Variants in RELN observed in about 807,000 individuals in gnomAD.
The protein encoded by RELN is reelin.
A neutral mutation model predicts 427.6 loss-of-function variants in RELN; 108 were observed. That is an observed-to-expected ratio of 0.25 (90% CI 0.22 to 0.30). The LOEUF (loss-of-function observed/expected upper bound fraction) is 0.30, where lower values mean the gene tolerates loss of function less well. RELN is among the 10% of genes least tolerant of loss of function. The probability of loss-of-function intolerance (pLI) is 1.00; values close to 1 mark genes in which losing one functional copy is unlikely to be tolerated. For synonymous variants in RELN, 1,524 were observed against 1,513.4 expected (o/e 1.01, Z -0.16); for missense variants, 3,715 against 4,302.8 (o/e 0.86, Z 3.82).
intron 2 of RELN, among the ~76,000 whole-genome samples, chr7:103,848,012 A>G (rs548105241): frequency 6.6e-6 from 1 of 152,356 alleles, no homozygotes; most frequent in East Asian, 1.9e-4. Context: ...AGCTGTTTGT[A>G]TATGGCAGCA....
At chr7:103,687,626 T>C (rs1186457751) in intron 10 of RELN, among the ~76,000 whole-genome samples, 1 of 152,142 alleles carries the variant, frequency 6.6e-6, no homozygotes, top group Non-Finnish European at 1.5e-5. Flanking sequence ...ATGCAAGCTA[T>C]TGTGCTAGGT....
At chr7:103,659,802 A>G (rs1322341629) in intron 12 of RELN, among the ~76,000 whole-genome samples, 1 of 152,152 alleles carries the variant, frequency 6.6e-6, no homozygotes, top group African/African-American at 2.4e-5. Flanking sequence ...AGTGCTTTTC[A>G]TACATTAACT....
intron 4 of RELN, among the ~76,000 whole-genome samples, chr7:103,755,300 C>A (rs1791107221): frequency 6.6e-6 from 1 of 151,378 alleles, no homozygotes. Flanking sequence ...AACTCCGTAT[C>A]CACTAAAAAT....
intron 57 of RELN, among the ~76,000 whole-genome samples, chr7:103,493,793 A>G (rs1190515237): frequency 6.6e-6 from 1 of 152,230 alleles, no homozygotes; most frequent in East Asian, 1.9e-4. Context: ...CAAATAGTGT[A>G]GAGAGGAAAG....
chr7:103,472,879 A>G lies in RELN; in HGVS notation c.10316T>C (p.Phe3439Ser). 1 of 1,613,988 alleles carries G rather than the reference A, an allele frequency of 6.2e-7. No homozygotes were observed. The highest frequency in any genetic ancestry group is 8.5e-7 in the Non-Finnish European group (1 of 1,179,868). The change falls in exon 65 of 65, where the codon TTT (phenylalanine) becomes TCT (serine). Residue 3439 changes from phenylalanine to serine, a missense_variant. Physicochemically the swap from Phe to Ser is radical, Grantham distance 155. Transcript: ENST00000428762. The part of the protein sequence containing the change: ...STRKQNYMMN[F>S]SRQHGLRHFY... ...ATGTCTGAGCCCATGTTGTCGTGAA[A>G]AATTCATCATGTAATTTTGTTTGCG... is the stretch of plus-strand genomic sequence containing the variant.
rs74529613 is a variant in RELN at position 103,712,582 on chromosome 7, T to C, written c.805+10558A>G. On this transcript the variant is annotated intron_variant, in intron 8 of 64. Coordinates refer to ENST00000428762, the MANE Select transcript of RELN (RefSeq NM_005045.4). ...AGCACTCTATAATCCAACACATTAA[T>C]ACTTCTGCAGTGAAATGCATGATAA... Among the ~76,000 whole-genome samples, 526 of 152,344 alleles carry C rather than the reference T, an allele frequency of 3.5e-3. 1 individual carries two copies. Among genetic ancestry groups the C allele is most frequent in the Non-Finnish European group, 5.9e-3 (402 of 68,030 alleles).
intron 31 of RELN, among the ~76,000 whole-genome samples, chr7:103,570,446 C>G (rs1830855837): frequency 6.6e-6 from 1 of 152,214 alleles, no homozygotes; most frequent in South Asian, 2.1e-4. Flanking sequence ...TCAGCACCTC[C>G]CACTGCATAA....
At chr7:103,950,521 A>C (rs1796311394) in intron 1 of RELN, among the ~76,000 whole-genome samples, 1 of 152,232 alleles carries the variant, frequency 6.6e-6, no homozygotes, top group Non-Finnish European at 1.5e-5. Context: ...GTTTATTTAA[A>C]GTGGTTCCTC....
At chr7:103,492,052 C>T (rs1320117319) in intron 57 of RELN, 26 bp from the exon 58 acceptor site, 2 of 1,560,074 alleles carry the variant, frequency 1.3e-6, no homozygotes, top group Non-Finnish European at 1.8e-6. Context: ...ACAATCAATA[C>T]ACAGGTAAGA....
intron 43 of RELN, among the ~76,000 whole-genome samples, chr7:103,541,510 A>G (rs1423312531): frequency 6.6e-6 from 1 of 152,224 alleles, no homozygotes; most frequent in Non-Finnish European, 1.5e-5. Flanking sequence ...GAGCATATTC[A>G]GGTCAATATA....
At chr7:103,554,634 A>G (rs1830486444) in intron 38 of RELN, among the ~76,000 whole-genome samples, 1 of 152,018 alleles carries the variant, frequency 6.6e-6, no homozygotes, top group Non-Finnish European at 1.5e-5. Context: ...TATACCATGG[A>G]ACTGCCTTGC....
chr7:103,981,962 T>C (rs1467697026), intron 1 of RELN, among the ~76,000 whole-genome samples: 1 of 152,026 alleles, frequency 6.6e-6, no homozygotes, highest in Non-Finnish European at 1.5e-5. Context: ...AGGTCAACAG[T>C]TCAAGACCAG....
chr7:103,491,153 T>C (rs1461230647), intron 58 of RELN, among the ~76,000 whole-genome samples: 1 of 152,210 alleles, frequency 6.6e-6, no homozygotes, highest in East Asian at 1.9e-4. Flanking sequence ...TCAAACTTAA[T>C]GTAATTAATG....
chr7:103,775,670 G>A (rs564001404), intron 4 of RELN, among the ~76,000 whole-genome samples: 1 of 152,100 alleles, frequency 6.6e-6, no homozygotes, highest in South Asian at 2.1e-4. Context: ...AATGAAAATG[G>A]CATGACATTT....
chr7:103,734,338 A>G (rs1158953782), intron 6 of RELN, among the ~76,000 whole-genome samples: 2 of 151,388 alleles, frequency 1.3e-5, no homozygotes, highest in Non-Finnish European at 3.0e-5. Context: ...TCTGCCTAAT[A>G]GTAAAAGTAA....
intron 6 of RELN, among the ~76,000 whole-genome samples, chr7:103,728,685 T>A (rs1418479738): frequency 6.6e-6 from 1 of 152,192 alleles, no homozygotes; most frequent in Non-Finnish European, 1.5e-5. Flanking sequence ...TAAAAACTTG[T>A]ATCTCTGAAA....
rs116963021 is a variant in RELN, at chr7:103,502,797, A to G, written c.8489+219T>C. ...GAGGTTTAGAAAATAAGAGTCTGCAAAAGCCCATATTGCCAAGTCTGAGGA... is the reference window on the plus strand; with the variant it reads ...GAGGTTTAGAAAATAAGAGTCTGCAGAAGCCCATATTGCCAAGTCTGAGGA... On this transcript the variant is annotated intron_variant, in intron 52 of 64. Coordinates refer to ENST00000428762, the MANE Select transcript of RELN (RefSeq NM_005045.4). 0.029 allele frequency among the ~76,000 whole-genome samples: 4,396 copies of G among 152,308 alleles called. 76 individuals carry two copies. Among genetic ancestry groups the G allele is most frequent in the African/African-American group, 0.055 (2,307 of 41,568 alleles).
At position 103,824,019 on chromosome 7, in the gene RELN, CAG is replaced by C. The variant is rs1793071285; in HGVS notation, c.473+9516_473+9517del. On this transcript the variant is annotated intron_variant, in intron 3 of 64. Transcript: ENST00000428762. This position sits in a 1 kb window ranked among gnomAD's most constrained non-coding sequence, Gnocchi z 4.4. ...CTTTTGTTGCTGATGAGACCACTGTCAGATTAAATTTATAGGTAATCTGTCTT... is the reference window on the plus strand; with the variant it reads ...CTTTTGTTGCTGATGAGACCACTGTCATTAAATTTATAGGTAATCTGTCTT... Among the ~76,000 whole-genome samples the C allele has an allele frequency of 6.6e-6, 1 of 152,048 alleles. No individual in the cohort carries two copies. The highest frequency in any genetic ancestry group is 2.4e-5 in the African/African-American group (1 of 41,420).
intron 2 of RELN, among the ~76,000 whole-genome samples, chr7:103,880,481 T>C (rs568957897): frequency 3.3e-5 from 5 of 152,266 alleles, no homozygotes; most frequent in Admixed American, 2.6e-4. Flanking sequence ...AGTTCATTTG[T>C]CTAAATTCAG....
Sources: allele counts gnomAD v4.1 joint callset (sites outside exome capture counted in the v4.1 genomes callset), GRCh38; gene constraint gnomAD v4.1.1; non-coding constraint Gnocchi (gnomAD v3.1); transcripts MANE v1.5; gene names NCBI Gene and HGNC (gene_info 2026-07-23, HGNC 2026-07-21).